Variants in SFI1 observed in about 807,000 individuals in gnomAD.
The protein encoded by SFI1 is SFI1 centrin binding protein.
In SFI1, 195 loss-of-function variants were observed where a neutral mutation model predicts 207.5. The observed-to-expected ratio is 0.94, with a 90% CI of 0.84 to 1.06. The LOEUF (loss-of-function observed/expected upper bound fraction) is 1.06. Ranked by LOEUF, SFI1 falls within the 50% of genes least tolerant of loss-of-function variation. The pLI, the probability that SFI1 is intolerant of heterozygous loss-of-function variation, is 0.00. For synonymous variants in SFI1, 630 were observed against 598.9 expected (o/e 1.05, Z -0.76); for missense variants, 1,634 against 1,588.0 (o/e 1.03, Z -0.49).
chr22:31,541,571 T>C (rs981834928), intron 4 of SFI1, among the ~76,000 whole-genome samples: 1 of 150,972 alleles, frequency 6.6e-6, no homozygotes, highest in African/African-American at 2.4e-5. Flanking sequence ...CTGGCCAACA[T>C]AGTGAAACCC....
chr22:31,588,051 A>G (rs1208672466), intron 14 of SFI1: 1 of 152,218 alleles, frequency 6.6e-6, no homozygotes, highest in Non-Finnish European at 1.5e-5. Flanking sequence ...GACAACAACC[A>G]TTCTATTATG....
At chr22:31,501,354 G>A (rs2146373336) in intron 1 of SFI1, among the ~76,000 whole-genome samples, 1 of 151,700 alleles carries the variant, frequency 6.6e-6, no homozygotes, top group Non-Finnish European at 1.5e-5. Context: ...TGTATTTTTA[G>A]TAGAGACGGG....
chr22:31,518,252 TC>T (rs1290078130), intron 2 of SFI1, among the ~76,000 whole-genome samples: 1 of 152,116 alleles, frequency 6.6e-6, no homozygotes, highest in Non-Finnish European at 1.5e-5. Context: ...GCCTTGGCCT[TC>T]CAAAGTACTG....
chr22:31,527,699 G>T (rs564662734), intron 2 of SFI1, among the ~76,000 whole-genome samples: 98 of 152,324 alleles, frequency 6.4e-4, no homozygotes, highest in Middle Eastern at 3.4e-3. Context: ...ATCAGGCCGG[G>T]TACAGTGGTA....
At chr22:31,516,503 A>G (rs2056522277) in intron 2 of SFI1, among the ~76,000 whole-genome samples, 1 of 151,080 alleles carries the variant, frequency 6.6e-6, no homozygotes, top group Non-Finnish European at 1.5e-5. Flanking sequence ...ACAGAGTGAA[A>G]CTCTCAAAAA....
chr22:31,513,680 C>T (rs1456635009), intron 2 of SFI1, among the ~76,000 whole-genome samples: 5 of 151,806 alleles, frequency 3.3e-5, no homozygotes, highest in African/African-American at 4.8e-5. Flanking sequence ...TGGGTTCAAG[C>T]GATTCTCCTG....
At chr22:31,574,090 A>T (rs2063230420) in intron 9 of SFI1, among the ~76,000 whole-genome samples, 1 of 152,206 alleles carries the variant, frequency 6.6e-6, no homozygotes, top group Non-Finnish European at 1.5e-5. Flanking sequence ...ATACATAGAA[A>T]TGTGAACATT....
Position 31,613,648 on chromosome 22 carries a change from G to A in SFI1, c.2789G>A (p.Trp930Ter), listed in dbSNP as rs2070796564. Residue 930 changes from tryptophan to a stop codon, truncating the protein, a stop_gained, in exon 27 of 33, where the codon TGG becomes TAG. Transcript: ENST00000400288. LOFTEE classifies it high-confidence loss of function. The part of the protein sequence containing the change: ...HRAVRRCATL[W>*]KQKVLGRGGK... ...GCCGTCCGCCGCTGTGCCACGCTCT[G>A]GAAACAGAAAGTGCTGGGCCGGGGC... The A allele has an allele frequency of 1.2e-6, 2 of 1,603,738 alleles. No individual in the cohort carries two copies. Among genetic ancestry groups the A allele is most frequent in the Middle Eastern group, 1.7e-4 (1 of 5,992 alleles).
rs2064829997 is a variant in SFI1 at position 31,584,974 on chromosome 22, TTAACTCAC to T, written c.1347-93_1347-86del. 1.3e-5 allele frequency: 13 copies of T among 1,018,116 alleles called. No individual in the cohort carries two copies. The South Asian group carries it at 1.8e-4, about 14-fold the overall frequency. The allele number at this position is 1,018,116 out of a possible 1,614,324, so 63.1% of individuals were successfully genotyped here. On this transcript the variant is annotated intron_variant, in intron 13 of 32. Transcript: ENST00000400288. ...AAACTAGTAAGCCCATGGGGTGCCT[TTAACTCAC>T]AGGAAGTAACTGTACCGCAATTTAC...
At chr22:31,599,880 A>AT (rs11382495) in intron 15 of SFI1, among the ~76,000 whole-genome samples, 40,794 of 143,882 alleles carry the variant, frequency 0.28, 6,108 homozygotes, top group East Asian at 0.39. Flanking sequence ...TATTGTTGTT[A>AT]TTTTTTTTTT....
intron 1 of SFI1, among the ~76,000 whole-genome samples, chr22:31,501,975 A>C (rs2053860453): frequency 6.6e-6 from 1 of 152,016 alleles, no homozygotes; most frequent in Non-Finnish European, 1.5e-5. Context: ...GTGAGTGTGC[A>C]ATGCCATGAA....
At position 31,613,188 on chromosome 22, in the gene SFI1, G is replaced by C. The variant is rs1343071540; in HGVS notation, c.2537G>C (p.Trp846Ser). 3.1e-6 allele frequency: 5 copies of C among 1,613,838 alleles called. No homozygotes were observed. The highest frequency in any genetic ancestry group is 4.2e-6 in the Non-Finnish European group (5 of 1,180,016). Residue 846 changes from tryptophan (W) to serine (S), a missense_variant, in exon 25 of 33, where the codon TGG (tryptophan) becomes TCG (serine). Physicochemically the swap from Trp to Ser is radical, Grantham distance 177 (BLOSUM62 -3). Transcript: ENST00000400288. ...QEQRATVRAL[W>S]FWAFSLQAKV... is the part of the protein sequence containing the mutation. ...CAGCGGGCGACAGTGCGGGCCCTGTGGTTCTGGGCCTTCTCGCTGCAGGCA... is the reference window on the plus strand; with the variant it reads ...CAGCGGGCGACAGTGCGGGCCCTGTCGTTCTGGGCCTTCTCGCTGCAGGCA...
At chr22:31,570,494 G>A (rs1367505516) in intron 8 of SFI1, among the ~76,000 whole-genome samples, 1 of 152,230 alleles carries the variant, frequency 6.6e-6, no homozygotes, top group African/African-American at 2.4e-5. Flanking sequence ...AAGAAGCTAT[G>A]TTAAGGAGGC....
At chr22:31,609,904 G>A (rs901444792) in intron 22 of SFI1, among the ~76,000 whole-genome samples, 35 of 152,230 alleles carry the variant, frequency 2.3e-4, no homozygotes, top group Admixed American at 1.6e-3. Flanking sequence ...TAAGGGTCAG[G>A]TGCCCACTCC....
chr22:31,596,641 A>G (rs1459183580), intron 15 of SFI1, among the ~76,000 whole-genome samples: 1 of 151,822 alleles, frequency 6.6e-6, no homozygotes. Context: ...AAATACAAAA[A>G]TTGGCCAGGC....
chr22:31,613,593 G>A lies in SFI1; in HGVS notation c.2743-9G>A. On this transcript the variant is annotated splice_polypyrimidine_tract_variant and intron_variant, in intron 26 of 32. Coordinates refer to ENST00000400288, the MANE Select transcript of SFI1 (RefSeq NM_001007467.3). ...GTGTGGCATGAGCTGACCAGAGGCTGTGTTGTAGGCGGCTCACAGTCTCCA... is the reference window on the plus strand; with the variant it reads ...GTGTGGCATGAGCTGACCAGAGGCTATGTTGTAGGCGGCTCACAGTCTCCA... The A allele has an allele frequency of 1.3e-6, 2 of 1,578,794 alleles. No individual in the cohort carries two copies. The highest frequency in any genetic ancestry group is 1.1e-5 in the South Asian group (1 of 87,488).
At chr22:31,555,272 G>A (rs1481339051) in intron 6 of SFI1, among the ~76,000 whole-genome samples, 1 of 152,076 alleles carries the variant, frequency 6.6e-6, no homozygotes, top group Non-Finnish European at 1.5e-5. Context: ...AAGATTGCTT[G>A]GGCCCAGGAG....
chr22:31,559,732 G>C lies in SFI1; in HGVS notation c.663-1558G>C, dbSNP rs938486987. The C allele has an allele frequency of 4.8e-6, 4 of 840,090 alleles. No individual in the cohort carries two copies. The African/African-American group carries it at 6.7e-5, about 14-fold the overall frequency. 52.0% of individuals were successfully genotyped at this position (840,090 alleles called of 1,614,324 possible). A position where few individuals can be genotyped will look rare whatever the true frequency, so the allele number is the denominator to read the frequency against. ...AGTACAAGATCCCAGACTGGTTCTT[G>C]AACAGACGGAAGGATGTAAAGGATG... On this transcript the variant is annotated intron_variant, in intron 7 of 32. Transcript: ENST00000400288.
chr22:31,547,459 T>G (rs1274248709), intron 5 of SFI1, among the ~76,000 whole-genome samples: 1 of 152,084 alleles, frequency 6.6e-6, no homozygotes, highest in Admixed American at 6.6e-5. Flanking sequence ...TACAGGCATG[T>G]GCCATCACGC....
Sources: gnomAD v4.1 joint callset for allele counts (sites outside exome capture counted in the v4.1 genomes callset) on GRCh38, gnomAD v4.1.1 for gene constraint, MANE v1.5 for transcripts, NCBI Gene and HGNC (gene_info 2026-07-23, HGNC 2026-07-21) for gene names.